Variants in CDIN1 observed in about 807,000 individuals in gnomAD.
CDIN1 encodes the protein CDAN1-interacting nuclease 1.
Under a neutral mutation model 45.3 loss-of-function variants are expected in CDIN1, and 33 were observed. The observed-to-expected ratio is 0.73, with a 90% CI of 0.55 to 0.97. The LOEUF is 0.97. Among genes scored for constraint, CDIN1 ranks in the 50% least tolerant of loss-of-function variants. The probability of loss-of-function intolerance (pLI) is 0.00; values close to 1 mark genes in which losing one functional copy is unlikely to be tolerated. For missense variants in CDIN1, 303 were observed against 339.4 expected (o/e 0.89, Z 0.84); for synonymous variants, 118 against 124.4 (o/e 0.95, Z 0.34).
intron 10 of CDIN1, among the ~76,000 whole-genome samples, chr15:36,727,010 C>G (rs1375378273): frequency 6.6e-6 from 1 of 152,036 alleles, no homozygotes; most frequent in Non-Finnish European, 1.5e-5. Flanking sequence ...TGTTGTTTTG[C>G]CAGGTTCCTG....
At chr15:36,789,154 G>A (rs2054582320) in intron 10 of CDIN1, among the ~76,000 whole-genome samples, 1 of 152,146 alleles carries the variant, frequency 6.6e-6, no homozygotes, top group Non-Finnish European at 1.5e-5. Context: ...TGCAGTCTGT[G>A]GGTTGGACAA....
chr15:36,683,490 A>G (rs1752156879), intron 5 of CDIN1, among the ~76,000 whole-genome samples: 1 of 46,284 alleles, frequency 2.2e-5, no homozygotes, highest in African/African-American at 8.8e-5. Flanking sequence ...GCCTTGTAGT[A>G]TAGTTTGAAG....
intron 1 of CDIN1, among the ~76,000 whole-genome samples, chr15:36,629,411 G>A (rs1160142489): frequency 6.6e-6 from 1 of 152,116 alleles, no homozygotes; most frequent in East Asian, 1.9e-4. Flanking sequence ...ATATTATTTG[G>A]TGCTATTTTT....
intron 10 of CDIN1, among the ~76,000 whole-genome samples, chr15:36,772,677 TA>T (rs2054108410): frequency 6.6e-6 from 1 of 152,190 alleles, no homozygotes; most frequent in South Asian, 2.1e-4. Flanking sequence ...ACTGAGGAAA[TA>T]CAGCAATCTA....
intron 1 of CDIN1, chr15:36,617,692 T>C: frequency 1.3e-6 from 1 of 772,902 alleles, no homozygotes; most frequent in East Asian, 2.5e-5. Flanking sequence ...TGTATTGTGA[T>C]TCTTAGAGAG....
intron 1 of CDIN1, among the ~76,000 whole-genome samples, chr15:36,633,116 CTAAT>C (rs1566850657): frequency 6.6e-6 from 1 of 152,060 alleles, no homozygotes; most frequent in Non-Finnish European, 1.5e-5. Flanking sequence ...TTTTGCCTAC[CTAAT>C]TAATTTTGTT....
chr15:36,762,234 A>G (rs1389196234), intron 10 of CDIN1, among the ~76,000 whole-genome samples: 1 of 151,952 alleles, frequency 6.6e-6, no homozygotes, highest in African/African-American at 2.4e-5. Flanking sequence ...AACCTCTCCT[A>G]TTCTTTAAAC....
intron 1 of CDIN1, among the ~76,000 whole-genome samples, chr15:36,593,959 T>C (rs2037701048): frequency 6.6e-6 from 1 of 152,228 alleles, no homozygotes; most frequent in South Asian, 2.1e-4. Context: ...TTGCATAAAC[T>C]CTTAAAAAGA....
intron 10 of CDIN1, among the ~76,000 whole-genome samples, chr15:36,776,458 C>T (rs2054219778): frequency 6.6e-6 from 1 of 152,358 alleles, no homozygotes; most frequent in South Asian, 2.1e-4. Flanking sequence ...AACTAACTTT[C>T]TACTTTCCCA....
chr15:36,580,074 T>A, intron 1 of CDIN1, 113 bp downstream of exon 1: 1 of 895,960 alleles, frequency 1.1e-6, no homozygotes, highest in Non-Finnish European at 1.7e-6. Context: ...GGAACACCAG[T>A]GTCAGGCGTT....
intron 8 of CDIN1, chr15:36,704,313 A>G (rs536333331): frequency 6.6e-6 from 1 of 152,186 alleles, no homozygotes; most frequent in South Asian, 2.1e-4. Context: ...GCTTTGGGGG[A>G]AGAGGTTGAA....
At chr15:36,802,539 T>G (rs2055085352) in intron 10 of CDIN1, among the ~76,000 whole-genome samples, 1 of 152,190 alleles carries the variant, frequency 6.6e-6, no homozygotes, top group African/African-American at 2.4e-5. Flanking sequence ...GAGGATGCCT[T>G]GAGGAAAAGT....
intron 1 of CDIN1, chr15:36,618,024 T>C (rs571605867): frequency 1.8e-5 from 14 of 782,112 alleles, no homozygotes; most frequent in African/African-American, 1.2e-4. Flanking sequence ...GTATATAATC[T>C]TCACCAGCAG....
intron 1 of CDIN1, among the ~76,000 whole-genome samples, chr15:36,605,366 A>AT (rs903898838): frequency 1.6e-4 from 24 of 150,278 alleles, no homozygotes; most frequent in African/African-American, 2.2e-4. Context: ...TGTAACTTGT[A>AT]TTTTTTTTTT....
intron 10 of CDIN1, among the ~76,000 whole-genome samples, chr15:36,776,701 A>T (rs146060553): frequency 3.7e-4 from 56 of 152,328 alleles, no homozygotes; most frequent in African/African-American, 1.3e-3. Flanking sequence ...TTAAAGGAGG[A>T]AAAGGCAGCA....
chr15:36,639,013 A>G (rs928304006), intron 1 of CDIN1, among the ~76,000 whole-genome samples: 5 of 152,158 alleles, frequency 3.3e-5, no homozygotes, highest in Admixed American at 1.3e-4. Flanking sequence ...ATTTTACTTA[A>G]CTTCTCTTCC....
chr15:36,788,401 A>G (rs958422990), intron 10 of CDIN1, among the ~76,000 whole-genome samples: 1 of 152,048 alleles, frequency 6.6e-6, no homozygotes, highest in African/African-American at 2.4e-5. Context: ...TATATTTTTA[A>G]AAAAACAGAT....
intron 10 of CDIN1, among the ~76,000 whole-genome samples, chr15:36,756,466 C>G (rs1419692329): frequency 2.0e-5 from 3 of 152,176 alleles, no homozygotes; most frequent in Admixed American, 2.0e-4. Flanking sequence ...ACAATCTGCT[C>G]TTTCCCTCTC....
chr15:36,702,024 A>G (rs2042664066), intron 8 of CDIN1: 2 of 701,954 alleles, frequency 2.8e-6, no homozygotes, highest in Non-Finnish European at 5.2e-6. Flanking sequence ...CAGGTGAAGG[A>G]CAGGCAGCAG....
Sources: gnomAD v4.1 joint callset for allele counts (sites outside exome capture counted in the v4.1 genomes callset) on GRCh38, gnomAD v4.1.1 for gene constraint, MANE v1.5 for transcripts, NCBI Gene and HGNC (gene_info 2026-07-23, HGNC 2026-07-21) for gene names.